NDUFA5: variants seen among roughly 807,000 people sequenced by gnomAD.
NDUFA5 encodes NADH dehydrogenase [ubiquinone] 1 alpha subcomplex subunit 5.
Under a neutral mutation model 19.8 loss-of-function variants are expected in NDUFA5, and 11 were observed. That is an observed-to-expected ratio of 0.56 (90% confidence interval 0.35 to 0.92). NDUFA5 has a LOEUF of 0.92. NDUFA5 is among the 40% of genes least tolerant of loss of function. The pLI, the probability that NDUFA5 is intolerant of heterozygous loss-of-function variation, is 0.01. For missense variants in NDUFA5, 109 were observed against 134.2 expected, an observed-to-expected ratio of 0.81 and a Z score of 0.93; for synonymous variants, 47 against 46.8, an observed-to-expected ratio of 1.00 and a Z score of -0.01.
the NDUFA5 span, among the ~76,000 whole-genome samples, chr7:123,584,437 T>G: frequency 6.6e-6 from 1 of 151,812 alleles, no homozygotes; most frequent in Non-Finnish European, 1.5e-5. Flanking sequence ...GTGATTCCAA[T>G]GCAAGTCAAA....
At position 123,537,204 on chromosome 7, in the gene NDUFA5, T is replaced by C. The variant is rs1313523741; in HGVS notation, c.*4915A>G. 2.0e-5 allele frequency: 3 copies of C among 152,214 alleles called. No individual in the cohort carries two copies. The highest frequency in any genetic ancestry group is 2.9e-5 in the Non-Finnish European group (2 of 68,030). The allele number at this position is 152,214 out of a possible 1,614,324, so 9.4% of individuals were successfully genotyped here. On this transcript the variant is annotated 3_prime_UTR_variant, in exon 5 of 5. Coordinates refer to ENST00000355749, the MANE Select transcript of NDUFA5 (RefSeq NM_005000.5). ...CTACCTTTATTCATCTCAGCATTTA[T>C]TTATGTAATAAACATTTCTTTTGAT...
the NDUFA5 span, among the ~76,000 whole-genome samples, chr7:123,579,998 T>A: frequency 6.6e-6 from 1 of 151,952 alleles, no homozygotes; most frequent in East Asian, 1.9e-4. Flanking sequence ...GTAACAAAGG[T>A]ACATAAATAA....
At chr7:123,580,600 A>G in the NDUFA5 span, among the ~76,000 whole-genome samples, 1 of 152,078 alleles carries the variant, frequency 6.6e-6, no homozygotes, top group African/African-American at 2.4e-5. Flanking sequence ...GAACTGCATC[A>G]TATGGCACCT....
the NDUFA5 span, among the ~76,000 whole-genome samples, chr7:123,579,323 T>A: frequency 6.6e-6 from 1 of 152,108 alleles, no homozygotes; most frequent in Non-Finnish European, 1.5e-5. Flanking sequence ...TAAAAATACT[T>A]TCTTAGTTAT....
Position 123,542,215 on chromosome 7 carries a change from T to C in NDUFA5, c.255A>G (p.Glu85=). 6.2e-7 allele frequency: 1 copy of C among 1,609,600 alleles called. No homozygotes were observed. The highest frequency in any genetic ancestry group is 8.5e-7 in the Non-Finnish European group (1 of 1,178,134). Residue 85 remains glutamate, a synonymous_variant, in exon 5 of 5, where the codon GAA becomes GAG. Coordinates refer to ENST00000355749, the MANE Select transcript of NDUFA5 (RefSeq NM_005000.5). ...TTTTTCTTGCCAGATTTAGTTCATG[T>C]TCAGCCTGTTAATACAAATTTTTTA... The part of the protein sequence containing the change: ...GQLEEVILQA[E]HELNLARKMR...
intron 4 of NDUFA5, among the ~76,000 whole-genome samples, chr7:123,544,528 C>T (rs1798057665): frequency 6.8e-6 from 1 of 146,100 alleles, no homozygotes; most frequent in Admixed American, 6.8e-5. Context: ...AAATTGAAAA[C>T]CTCTACATAT....
At chr7:123,570,531 A>G in the NDUFA5 span, among the ~76,000 whole-genome samples, 1 of 152,222 alleles carries the variant, frequency 6.6e-6, no homozygotes, top group South Asian at 2.1e-4. Context: ...TGAGCAAGGA[A>G]AGCCAAACAC....
chr7:123,563,470 G>A, the NDUFA5 span, among the ~76,000 whole-genome samples: 2 of 152,286 alleles, frequency 1.3e-5, no homozygotes, highest in African/African-American at 4.8e-5. Context: ...TTATATGGGT[G>A]TGGTTTGTTG....
At chr7:123,598,668 T>C in the NDUFA5 span, 1 of 152,208 alleles carries the variant, frequency 6.6e-6, no homozygotes, top group Non-Finnish European at 1.5e-5. Context: ...CCAAAAACTT[T>C]ACTAGACAAA....
At chr7:123,583,828 C>T in the NDUFA5 span, among the ~76,000 whole-genome samples, 1 of 151,840 alleles carries the variant, frequency 6.6e-6, no homozygotes, top group East Asian at 1.9e-4. Context: ...GAAGTGTAGC[C>T]AGTTAGTGAG....
chr7:123,585,939 T>C, the NDUFA5 span, among the ~76,000 whole-genome samples: 1 of 151,818 alleles, frequency 6.6e-6, no homozygotes, highest in South Asian at 2.1e-4. Context: ...TAATCTTCCA[T>C]GATAAATATA....
the NDUFA5 span, among the ~76,000 whole-genome samples, chr7:123,564,541 T>C: frequency 5.3e-5 from 8 of 152,106 alleles, no homozygotes; most frequent in Admixed American, 1.3e-4. Flanking sequence ...CATATACACA[T>C]ATGAAATAGC....
chr7:123,546,872 T>C, intron 3 of NDUFA5: 1 of 455,564 alleles, frequency 2.2e-6, no homozygotes, highest in Non-Finnish European at 4.3e-6. Context: ...CTGTGAGTGT[T>C]ACTTTATACA....
chr7:123,551,716 T>A (rs977398655), intron 2 of NDUFA5: 1 of 164,976 alleles, frequency 6.1e-6, no homozygotes. Flanking sequence ...ACCGAAAAAG[T>A]AGCAAGAGAA....
the NDUFA5 span, among the ~76,000 whole-genome samples, chr7:123,576,305 C>A: frequency 2.0e-5 from 3 of 151,404 alleles, no homozygotes; most frequent in African/African-American, 7.3e-5. Flanking sequence ...TGCATTTGTA[C>A]TTTTTACTCT....
rs560174312 is a variant in NDUFA5 at position 123,537,839 on chromosome 7, A to G, written c.*4280T>C. The G allele has an allele frequency of 1.3e-5, 2 of 152,020 alleles. No homozygotes were observed. Among genetic ancestry groups the G allele is most frequent in the African/African-American group, 4.8e-5 (2 of 41,462 alleles). 9.4% of individuals were successfully genotyped at this position (152,020 alleles called of 1,614,324 possible). A position where few individuals can be genotyped will look rare whatever the true frequency, so the allele number is the denominator to read the frequency against. ...GCCAATATTTTGTAAAAAAAAAAAA[A>G]TAGTTATCTTTAGAAAACCTAATAG... On this transcript the variant is annotated 3_prime_UTR_variant, in exon 5 of 5. Transcript: ENST00000355749.
At chr7:123,582,015 T>C in the NDUFA5 span, among the ~76,000 whole-genome samples, 1 of 152,042 alleles carries the variant, frequency 6.6e-6, no homozygotes, top group African/African-American at 2.4e-5. Context: ...TCCATTTCCA[T>C]TTGTGAATAG....
chr7:123,546,805 G>C, intron 3 of NDUFA5: 1 of 733,874 alleles, frequency 1.4e-6, no homozygotes, highest in Non-Finnish European at 2.1e-6. Flanking sequence ...CTGATAATTT[G>C]CATTATGATA....
chr7:123,557,223 AAAT>A (rs1422267797), intron 2 of NDUFA5, 178 bp downstream of exon 2: 1 of 869,712 alleles, frequency 1.1e-6, no homozygotes, highest in Admixed American at 2.0e-5. Flanking sequence ...TGGCAAAAAT[AAAT>A]AAAAATGTGA....
Sources: gnomAD v4.1 joint callset for allele counts (sites outside exome capture counted in the v4.1 genomes callset) on GRCh38, gnomAD v4.1.1 for gene constraint, MANE v1.5 for transcripts, NCBI Gene and HGNC (gene_info 2026-07-23, HGNC 2026-07-21) for gene names.